NEK10: variants seen among roughly 807,000 people sequenced by gnomAD.
NEK10 encodes serine/threonine-protein kinase Nek10.
A neutral mutation model predicts 159.8 loss-of-function variants in NEK10; 122 were observed. That is an observed-to-expected ratio of 0.76 (90% CI 0.66 to 0.89). The LOEUF (loss-of-function observed/expected upper bound fraction) is 0.89, where lower values mean the gene tolerates loss of function less well. Among genes scored for constraint, NEK10 ranks in the 40% least tolerant of loss-of-function variants. The probability of loss-of-function intolerance (pLI) is 0.00; values close to 1 mark genes in which losing one functional copy is unlikely to be tolerated. For synonymous variants in NEK10, 466 were observed against 457.1 expected, an observed-to-expected ratio of 1.02 and a Z score of -0.25; for missense variants, 1,342 against 1,323.1, an observed-to-expected ratio of 1.01 and a Z score of -0.22.
chr3:27,141,522 T>C lies in NEK10; in HGVS notation c.2930A>G (p.Gln977Arg). ...TATTTTGTGCAGCTGAATTAATATC[T>C]GCTGAATAGGATCACTGATCTGACG... is the stretch of plus-strand genomic sequence containing the variant. ...KVRQISDPIQ[Q>R]ILIQLHKIIY... Residue 977 changes from glutamine to arginine, a missense_variant, in exon 31 of 36, where the codon CAG becomes CGG. Physicochemically the swap from Gln to Arg is conservative, Grantham distance 43 (BLOSUM62 1). Transcript: ENST00000691995. The C allele has an allele frequency of 6.2e-7, 1 of 1,613,330 alleles. No homozygotes were observed. The highest frequency in any genetic ancestry group is 8.5e-7 in the Non-Finnish European group (1 of 1,179,458).
chr3:27,319,934 CAAGAGA>C (rs2045497948), intron 6 of NEK10, among the ~76,000 whole-genome samples: 1 of 152,028 alleles, frequency 6.6e-6, no homozygotes, highest in Admixed American at 6.5e-5. Context: ...ACTGACTGAA[CAAGAGA>C]GGAAAGGAAC....
At chr3:27,163,884 A>G (rs533540717) in intron 29 of NEK10, among the ~76,000 whole-genome samples, 1 of 152,308 alleles carries the variant, frequency 6.6e-6, no homozygotes, top group South Asian at 2.1e-4. Flanking sequence ...TAATCATAGA[A>G]TTTTTGATAC....
At chr3:27,216,267 A>C (rs561084464) in intron 23 of NEK10, 227 of 182,662 alleles carry the variant, frequency 1.2e-3, no homozygotes, top group African/African-American at 5.1e-3. Context: ...TCTAGACAGT[A>C]TCATTACAAA....
At chr3:27,296,785 T>A (rs1335511803) in intron 14 of NEK10, among the ~76,000 whole-genome samples, 2 of 152,192 alleles carry the variant, frequency 1.3e-5, no homozygotes. Context: ...AAATATTTTG[T>A]TTGCTGTGTC....
intron 22 of NEK10, 129 bp downstream of exon 22, chr3:27,284,473 G>A (rs532297442): frequency 1.7e-6 from 1 of 598,632 alleles, no homozygotes; most frequent in African/African-American, 1.9e-5. Flanking sequence ...CATGTGGCTA[G>A]TGGCTACTGT....
chr3:27,215,006 G>A (rs1951365203), intron 23 of NEK10: 2 of 662,148 alleles, frequency 3.0e-6, no homozygotes, highest in Non-Finnish European at 5.7e-6. Flanking sequence ...TTCCGGCCAA[G>A]CTCCAACTCC....
chr3:27,123,242 T>G (rs912521819), intron 32 of NEK10, among the ~76,000 whole-genome samples: 4 of 152,100 alleles, frequency 2.6e-5, no homozygotes, highest in African/African-American at 9.7e-5. Context: ...AACCATGAAA[T>G]GAAATAGTGA....
At chr3:27,227,053 T>C (rs1278482664) in intron 23 of NEK10, among the ~76,000 whole-genome samples, 2 of 152,250 alleles carry the variant, frequency 1.3e-5, no homozygotes, top group East Asian at 3.9e-4. Context: ...TTCATTCATT[T>C]ATTCATTCAT....
intron 11 of NEK10, among the ~76,000 whole-genome samples, chr3:27,305,670 A>T (rs919256480): frequency 6.6e-6 from 1 of 152,102 alleles, no homozygotes; most frequent in African/African-American, 2.4e-5. Flanking sequence ...TCAGAAACTT[A>T]CTATGTAATT....
chr3:27,350,395 G>C (rs1253164354), intron 3 of NEK10, among the ~76,000 whole-genome samples: 1 of 152,038 alleles, frequency 6.6e-6, no homozygotes, highest in African/African-American at 2.4e-5. Context: ...AGTGTAACTT[G>C]AGTTATTTTC....
At chr3:27,200,598 AACTG>A (rs1247963517) in intron 25 of NEK10, among the ~76,000 whole-genome samples, 2 of 152,226 alleles carry the variant, frequency 1.3e-5, no homozygotes, top group Non-Finnish European at 2.9e-5. Flanking sequence ...GCTACAAATT[AACTG>A]ACTAAGTCCC....
At chr3:27,202,720 G>T in intron 23 of NEK10, 163 bp from the exon 24 acceptor site, 1 of 554,838 alleles carries the variant, frequency 1.8e-6, no homozygotes, top group Non-Finnish European at 2.3e-6. Flanking sequence ...AAATTTCCCA[G>T]CCTTAGATGA....
chr3:27,128,427 A>C (rs977992993), intron 32 of NEK10, among the ~76,000 whole-genome samples: 1 of 152,086 alleles, frequency 6.6e-6, no homozygotes, highest in Non-Finnish European at 1.5e-5. Flanking sequence ...TTAAACAGGG[A>C]CTGCAAAACA....
At chr3:27,171,911 C>A in intron 28 of NEK10, 38 bp from the exon 29 acceptor site, 1 of 1,572,382 alleles carries the variant, frequency 6.4e-7, no homozygotes, top group Non-Finnish European at 8.7e-7. Flanking sequence ...ACATTATTTC[C>A]TCTGCAAATC....
rs555015905 is a variant in NEK10, at chr3:27,263,860, C to T, written c.2015-7489G>A. On this transcript the variant is annotated intron_variant, in intron 22 of 35. Coordinates refer to ENST00000691995, the MANE Select transcript of NEK10 (RefSeq NM_001394966.1). ...TTCCGACACTCCTCAGTGAGATGAA[C>T]CCAGTACCTCAGTTGGAAATGCAGA... Among the ~76,000 whole-genome samples the T allele has an allele frequency of 1.2e-4, 18 of 152,310 alleles. No individual in the cohort carries two copies. The East Asian group carries it at 3.5e-3, about 29-fold the overall frequency.
At chr3:27,338,736 T>G (rs1479574797) in intron 5 of NEK10, among the ~76,000 whole-genome samples, 2 of 152,248 alleles carry the variant, frequency 1.3e-5, no homozygotes, top group African/African-American at 4.8e-5. Flanking sequence ...TTTTGAGAAG[T>G]GTCTGTTCAT....
At chr3:27,227,790 A>G (rs1043178645) in intron 23 of NEK10, among the ~76,000 whole-genome samples, 10 of 152,254 alleles carry the variant, frequency 6.6e-5, no homozygotes, top group African/African-American at 2.2e-4. Context: ...TTCTAATTGT[A>G]CATAAACAGT....
At chr3:27,187,412 T>G (rs1020433033) in intron 26 of NEK10, among the ~76,000 whole-genome samples, 1 of 152,088 alleles carries the variant, frequency 6.6e-6, no homozygotes, top group African/African-American at 2.4e-5. Context: ...CAAAACAAAA[T>G]GATATATAAT....
At chr3:27,188,683 T>C (rs1363488071) in intron 26 of NEK10, among the ~76,000 whole-genome samples, 5 of 152,210 alleles carry the variant, frequency 3.3e-5, no homozygotes, top group Non-Finnish European at 7.4e-5. Flanking sequence ...GAACACTCAA[T>C]TCTGCTCCAT....
Sources: gnomAD v4.1 joint callset for allele counts (sites outside exome capture counted in the v4.1 genomes callset) on GRCh38, gnomAD v4.1.1 for gene constraint, MANE v1.5 for transcripts, NCBI Gene and HGNC (gene_info 2026-07-23, HGNC 2026-07-21) for gene names.